ABCA12: variants seen among roughly 807,000 people sequenced by gnomAD.
ABCA12 encodes glucosylceramide transporter ABCA12.
ABCA12 carries 156 observed loss-of-function variants against 293.5 expected under a neutral mutation model. That is an observed-to-expected ratio of 0.53 (90% CI 0.47 to 0.61). The LOEUF (loss-of-function observed/expected upper bound fraction) is 0.61. Among genes scored for constraint, ABCA12 ranks in the 20% least tolerant of loss-of-function variants. The pLI, the probability that ABCA12 is intolerant of heterozygous loss-of-function variation, is 0.00. For synonymous variants in ABCA12, 1,063 were observed against 1,108.0 expected, an observed-to-expected ratio of 0.96 and a Z score of 0.81; for missense variants, 2,797 against 3,090.2, an observed-to-expected ratio of 0.91 and a Z score of 2.25.
At position 214,990,793 on chromosome 2, in the gene ABCA12, A is replaced by C; in HGVS notation, c.3533T>G (p.Ile1178Ser). ...GGCAATGATGTAGATGAGGCTTCCG[A>C]TCAGAGCTGCAATGTTGGTGTTGTT... is the stretch of plus-strand genomic sequence containing the variant. ...FFNNTNIAAL[I>S]GSLIYIIAFF... The change falls in exon 24 of 53, where the codon ATC becomes AGC. Residue 1178 changes from isoleucine (I) to serine (S), a missense_variant. Physicochemically the swap from Ile to Ser is moderately radical, Grantham distance 142. Transcript: ENST00000272895. 1 of 1,614,166 alleles carries C rather than the reference A, an allele frequency of 6.2e-7. No homozygotes were observed. Among genetic ancestry groups the C allele is most frequent in the South Asian group, 1.1e-5 (1 of 91,082 alleles).
At chr2:215,094,983 C>A (rs1702221745) in intron 2 of ABCA12, among the ~76,000 whole-genome samples, 1 of 152,158 alleles carries the variant, frequency 6.6e-6, no homozygotes, top group South Asian at 2.1e-4. Flanking sequence ...ATGGGACAGG[C>A]ACATGTATGC....
chr2:215,049,982 T>C (rs548595241), intron 5 of ABCA12, among the ~76,000 whole-genome samples, 171 bp from the exon 6 acceptor site: 4 of 152,310 alleles, frequency 2.6e-5, no homozygotes, highest in South Asian at 2.1e-4. Flanking sequence ...ATGAAACTTG[T>C]AGAGCGAATG....
At chr2:214,976,509 C>A (rs964379317) in intron 33 of ABCA12, among the ~76,000 whole-genome samples, 1 of 152,136 alleles carries the variant, frequency 6.6e-6, no homozygotes, top group Non-Finnish European at 1.5e-5. Flanking sequence ...TTGTGAGTAA[C>A]TTAGTGACTG....
At chr2:214,995,844 G>C (rs961528745) in intron 23 of ABCA12, among the ~76,000 whole-genome samples, 16 of 151,920 alleles carry the variant, frequency 1.1e-4, no homozygotes. Flanking sequence ...TAAAAAGGGG[G>C]GAAAATCAAT....
chr2:214,963,605 CA>C (rs57895778), intron 39 of ABCA12, among the ~76,000 whole-genome samples: 29,774 of 70,780 alleles, frequency 0.42, 3,847 homozygotes, highest in South Asian at 0.5. Context: ...GCAGAGATAC[CA>C]AAAAAAAAAA....
Position 215,031,890 on chromosome 2 carries a change from G to T in ABCA12, c.992C>A (p.Ser331Tyr). 1 of 1,613,702 alleles carries T rather than the reference G, an allele frequency of 6.2e-7. No homozygotes were observed. Among genetic ancestry groups the T allele is most frequent in the Non-Finnish European group, 8.5e-7 (1 of 1,179,848 alleles). ...ATTCCACACATGCGTTATATTATCG[G>T]AGTCACCTGAAGTAATAATTTTTAT... ...YTLDSPAQGD[S>Y]DNITHVWNED... Residue 331 changes from serine (S) to tyrosine (Y), a missense_variant, in exon 9 of 53, where the codon TCC becomes TAC. By Grantham distance (144) the Ser-to-Tyr change is moderately radical (BLOSUM62 -2). Around this residue, in one of 3 missense-constraint regions of ABCA12, gnomAD observed 656 missense variants for 638.2 expected, o/e 1.03. Transcript: ENST00000272895.
intron 52 of ABCA12, among the ~76,000 whole-genome samples, chr2:214,933,754 C>T (rs915550432): frequency 2.0e-5 from 3 of 152,080 alleles, no homozygotes; most frequent in African/African-American, 7.2e-5. Flanking sequence ...CTTTAAGAAA[C>T]CTACCATGGA....
intron 1 of ABCA12, among the ~76,000 whole-genome samples, chr2:215,116,409 T>C (rs1032947709): frequency 6.6e-6 from 1 of 152,174 alleles, no homozygotes; most frequent in Non-Finnish European, 1.5e-5. Context: ...AAAGGATAGA[T>C]AGTTATATAG....
At chr2:215,107,119 T>C (rs1702478837) in intron 2 of ABCA12, among the ~76,000 whole-genome samples, 1 of 152,100 alleles carries the variant, frequency 6.6e-6, no homozygotes, top group South Asian at 2.1e-4. Flanking sequence ...TTATTTGACA[T>C]GACTACTTTT....
chr2:215,054,296 G>A (rs1361847882), intron 4 of ABCA12, among the ~76,000 whole-genome samples: 1 of 152,048 alleles, frequency 6.6e-6, no homozygotes, highest in East Asian at 1.9e-4. Flanking sequence ...GACAACTAAA[G>A]AGTCTAGAGT....
intron 45 of ABCA12, among the ~76,000 whole-genome samples, chr2:214,950,420 G>GTATA (rs1157746090): frequency 6.8e-6 from 1 of 146,096 alleles, no homozygotes; most frequent in African/African-American, 2.6e-5. Flanking sequence ...GTGTGTGTGT[G>GTATA]TATATATATG....
chr2:214,966,725 A>C, intron 39 of ABCA12, 123 bp downstream of exon 39: 1 of 846,172 alleles, frequency 1.2e-6, no homozygotes, highest in Non-Finnish European at 2.0e-6. Flanking sequence ...CTCCTTTTAA[A>C]GACCTGTGAT....
intron 42 of ABCA12, among the ~76,000 whole-genome samples, chr2:214,955,810 G>GT (rs1559113076): frequency 8.6e-5 from 13 of 151,926 alleles, no homozygotes; most frequent in Admixed American, 4.6e-4. Flanking sequence ...AATCCAAAGA[G>GT]TTTTTTTTAA....
Position 215,031,905 on chromosome 2 carries a change from A to G in ABCA12, c.986-9T>C, listed in dbSNP as rs1471774469. 2 of 1,613,430 alleles carry G rather than the reference A, an allele frequency of 1.2e-6. No individual in the cohort carries two copies. The highest frequency in any genetic ancestry group is 1.7e-6 in the Non-Finnish European group (2 of 1,179,772). Reference sequence around the variant, plus strand: ...TATATTATCGGAGTCACCTGAAGTAATAATTTTTATATAGGTAAACATTTA... The same window carrying G: ...TATATTATCGGAGTCACCTGAAGTAGTAATTTTTATATAGGTAAACATTTA... On this transcript the variant is annotated splice_polypyrimidine_tract_variant and intron_variant, in intron 8 of 52. Transcript: ENST00000272895.
At chr2:215,018,235 C>A in intron 13 of ABCA12, 103 bp from the exon 14 acceptor site, 2 of 1,437,608 alleles carry the variant, frequency 1.4e-6, no homozygotes, top group African/African-American at 1.4e-5. Context: ...GACATACGTG[C>A]CTTCTCAGGG....
At chr2:214,961,604 C>G (rs1049297990) in intron 39 of ABCA12, among the ~76,000 whole-genome samples, 2 of 152,256 alleles carry the variant, frequency 1.3e-5, no homozygotes, top group East Asian at 1.9e-4. Flanking sequence ...CTTTCATTAT[C>G]TGTCTCAACA....
chr2:215,045,759 G>C (rs1049267137), intron 7 of ABCA12, 78 bp downstream of exon 7: 2 of 1,307,066 alleles, frequency 1.5e-6, no homozygotes, highest in South Asian at 1.3e-5. Flanking sequence ...CCAGATAACA[G>C]TAATCATCAC....
intron 1 of ABCA12, among the ~76,000 whole-genome samples, chr2:215,131,705 T>C (rs1273565512): frequency 6.7e-3 from 35 of 5,192 alleles, no homozygotes; most frequent in African/African-American, 8.7e-3. Context: ...TTCTATTGTT[T>C]TTTTTTTTTT....
At chr2:215,032,272 A>T in intron 8 of ABCA12, 2 of 274,146 alleles carry the variant, frequency 7.3e-6, no homozygotes, top group Non-Finnish European at 1.1e-5. Flanking sequence ...TTTTAGTCTT[A>T]TGGGTCACTG....
Sources: allele counts gnomAD v4.1 joint callset (sites outside exome capture counted in the v4.1 genomes callset), GRCh38; gene constraint gnomAD v4.1.1; regional missense constraint gnomAD v4.1.1; transcripts MANE v1.5; gene names NCBI Gene and HGNC (gene_info 2026-07-23, HGNC 2026-07-21).